The following SFI1 variants were observed in gnomAD, a reference collection of about 807,000 sequenced individuals.
SFI1 encodes the protein protein SFI1 homolog.
In SFI1, 195 loss-of-function variants were observed where a neutral mutation model predicts 207.5. That is an observed-to-expected ratio of 0.94 (90% confidence interval 0.84 to 1.06). SFI1 has a LOEUF of 1.06. Ranked by LOEUF, SFI1 falls within the 50% of genes least tolerant of loss-of-function variation. The pLI is 0.00. For missense variants in SFI1, 1,634 were observed against 1,588.0 expected (o/e 1.03, Z -0.49); for synonymous variants, 630 against 598.9 (o/e 1.05, Z -0.76).
At chr22:31,581,877 T>G (rs1456019260) in intron 12 of SFI1, among the ~76,000 whole-genome samples, 1 of 152,074 alleles carries the variant, frequency 6.6e-6, no homozygotes, top group Non-Finnish European at 1.5e-5. Context: ...CAAAGTAAAT[T>G]ATAGACATCA....
At chr22:31,598,228 G>T (rs778787988) in intron 15 of SFI1, among the ~76,000 whole-genome samples, 1 of 151,530 alleles carries the variant, frequency 6.6e-6, no homozygotes, top group Non-Finnish European at 1.5e-5. Flanking sequence ...CTCATGATCC[G>T]CCCGCCTTGG....
At chr22:31,598,191 T>C (rs1011443530) in intron 15 of SFI1, among the ~76,000 whole-genome samples, 1 of 151,898 alleles carries the variant, frequency 6.6e-6, no homozygotes, top group East Asian at 1.9e-4. Context: ...TTCACTGTGT[T>C]AGCCAGAATG....
At chr22:31,547,602 C>T (rs149381144) in intron 5 of SFI1, among the ~76,000 whole-genome samples, 1,777 of 151,204 alleles carry the variant, frequency 0.012, 10 homozygotes, top group Middle Eastern at 0.031. Context: ...TGAGTCACCG[C>T]GCCAGGCCTG....
chr22:31,604,745 C>G (rs889439423), intron 19 of SFI1, 124 bp from the exon 20 acceptor site: 1 of 840,468 alleles, frequency 1.2e-6, no homozygotes, highest in South Asian at 1.8e-5. Flanking sequence ...GGCTGTTGGC[C>G]TCTTCCTACC....
chr22:31,536,375 G>T (rs1318922796), intron 4 of SFI1, among the ~76,000 whole-genome samples: 1 of 152,164 alleles, frequency 6.6e-6, no homozygotes, highest in Non-Finnish European at 1.5e-5. Flanking sequence ...TGAAAACTGT[G>T]TTGCTACCTC....
intron 24 of SFI1, 34 bp from the exon 25 acceptor site, chr22:31,613,108 C>A: frequency 6.2e-7 from 1 of 1,608,704 alleles, no homozygotes; most frequent in South Asian, 1.1e-5. Flanking sequence ...CTTGAAGGGG[C>A]TATAGGGAAA....
intron 14 of SFI1, among the ~76,000 whole-genome samples, chr22:31,586,849 C>T (rs149924338): frequency 2.0e-5 from 3 of 152,274 alleles, no homozygotes; most frequent in African/African-American, 7.2e-5. Context: ...TGATCTAGCA[C>T]GGCCTGCTTT....
At chr22:31,523,871 T>C (rs2057569880) in intron 2 of SFI1, among the ~76,000 whole-genome samples, 1 of 152,126 alleles carries the variant, frequency 6.6e-6, no homozygotes, top group Non-Finnish European at 1.5e-5. Context: ...CAATTATAAG[T>C]GTTCCTTGTA....
intron 6 of SFI1, among the ~76,000 whole-genome samples, chr22:31,553,838 G>GTTTTTTTTTTTTTTTTTTTTTTT (rs58333559): frequency 3.8e-5 from 1 of 26,308 alleles, no homozygotes; most frequent in Non-Finnish European, 7.3e-5. Context: ...AATGGATTAT[G>GTTTTTTTTTTTTTTTTTTTTTTT]TTTTTTTTTT....
intron 15 of SFI1, among the ~76,000 whole-genome samples, chr22:31,595,838 G>A (rs977391377): frequency 4.6e-5 from 7 of 152,312 alleles, no homozygotes; most frequent in Non-Finnish European, 7.3e-5. Context: ...ATTTGAGCAG[G>A]TACATGGAAC....
intron 7 of SFI1, 98 bp downstream of exon 7, chr22:31,557,157 T>C (rs1287863040): frequency 1.3e-5 from 9 of 717,412 alleles, no homozygotes; most frequent in Non-Finnish European, 2.0e-5. Flanking sequence ...CTTAAAACAA[T>C]GGTTTGTATT....
At chr22:31,519,273 A>G (rs558333060) in intron 2 of SFI1, among the ~76,000 whole-genome samples, 1 of 132,218 alleles carries the variant, frequency 7.6e-6, no homozygotes, top group African/African-American at 3.1e-5. Flanking sequence ...TTTATTTTCC[A>G]TTTTTTTTTT....
At chr22:31,593,847 T>G (rs1225729090) in intron 15 of SFI1, among the ~76,000 whole-genome samples, 1 of 146,832 alleles carries the variant, frequency 6.8e-6, no homozygotes, top group Non-Finnish European at 1.5e-5. Flanking sequence ...CAGTCAGGCG[T>G]GGCGGCGCGT....
At position 31,499,451 on chromosome 22, in the gene SFI1, T is replaced by C. The variant is rs148527122; in HGVS notation, c.-31+2814T>C. Among the ~76,000 whole-genome samples, 619 of 152,218 alleles carry C rather than the reference T, an allele frequency of 4.1e-3. 6 individuals are homozygous for C. Among genetic ancestry groups the C allele is most frequent in the African/African-American group, 0.014 (589 of 41,536 alleles). ...CCTCCCAAAGTGCTGGGATTACAGG[T>C]GTGAATCACCGTGCCTGGTGAAAGT... On this transcript the variant is annotated intron_variant, in intron 1 of 32. Transcript: ENST00000400288.
chr22:31,605,026 C>T (rs2068733189), intron 20 of SFI1, 81 bp downstream of exon 20: 7 of 1,273,432 alleles, frequency 5.5e-6, no homozygotes, highest in Non-Finnish European at 7.5e-6. Context: ...GGGGGTCCTG[C>T]TGAGGGCCAG....
chr22:31,589,466 A>C lies in SFI1; in HGVS notation c.1433A>C (p.Asp478Ala), dbSNP rs1337548919. Residue 478 changes from aspartate (D) to alanine (A), a missense_variant, in exon 15 of 33, where the codon GAT becomes GCT. Transcript: ENST00000400288. The stretch of plus-strand genomic sequence containing the variant: ...CTTTAGCTGCTACAGGCCAGAGCGG[A>C]TGGTCATTTCCAGCAGAGAGCCCTG... ...RYKQLLQARA[D>A]GHFQQRALPA... 6.2e-7 allele frequency: 1 copy of C among 1,612,580 alleles called. No homozygotes were observed. Among genetic ancestry groups the C allele is most frequent in the East Asian group, 2.2e-5 (1 of 44,852 alleles).
rs1006685763 is a variant in SFI1, at chr22:31,533,582, A to G, written c.338+2453A>G. Among the ~76,000 whole-genome samples the G allele has an allele frequency of 2.0e-5, 3 of 152,122 alleles. No individual in the cohort carries two copies. In the South Asian group the frequency reaches 6.2e-4, roughly 32 times the overall value. On this transcript the variant is annotated intron_variant, in intron 4 of 32. Coordinates refer to ENST00000400288, the MANE Select transcript of SFI1 (RefSeq NM_001007467.3). Reference sequence around the variant, plus strand: ...TCAGCTTCAAAGAAAAAGAAACAAAAAAAAAAAGAAACAAGCAGCGACCAA... The same window carrying G: ...TCAGCTTCAAAGAAAAAGAAACAAAGAAAAAAAGAAACAAGCAGCGACCAA...
At chr22:31,534,884 T>C (rs2058830455) in intron 4 of SFI1, among the ~76,000 whole-genome samples, 1 of 151,978 alleles carries the variant, frequency 6.6e-6, no homozygotes, top group East Asian at 1.9e-4. Context: ...CTTTTTTTTT[T>C]TTTTCCTGAG....
chr22:31,569,693 A>G (rs1214216534), intron 8 of SFI1, among the ~76,000 whole-genome samples: 1 of 152,152 alleles, frequency 6.6e-6, no homozygotes, highest in African/African-American at 2.4e-5. Context: ...GATGTCTGTA[A>G]TCCCAGCACT....
Sources: allele counts gnomAD v4.1 joint callset (sites outside exome capture counted in the v4.1 genomes callset), GRCh38; gene constraint gnomAD v4.1.1; transcripts MANE v1.5; gene names NCBI Gene and HGNC (gene_info 2026-07-23, HGNC 2026-07-21).